Variants in TRIM2 observed in about 807,000 individuals in gnomAD.
TRIM2 encodes the protein tripartite motif containing 2.
In TRIM2, 20 loss-of-function variants were observed where a neutral mutation model predicts 75.2. That is an observed-to-expected ratio of 0.27 (90% CI 0.19 to 0.39). The LOEUF is 0.39. TRIM2 is among the 10% of genes least tolerant of loss of function. The pLI, the probability that TRIM2 is intolerant of heterozygous loss-of-function variation, is 1.00. For missense variants in TRIM2, 660 were observed against 990.8 expected, an observed-to-expected ratio of 0.67 and a Z score of 4.48; for synonymous variants, 373 against 388.3, an observed-to-expected ratio of 0.96 and a Z score of 0.46.
At chr4:153,304,128 T>C (rs1764502344) in intron 6 of TRIM2, among the ~76,000 whole-genome samples, 1 of 152,146 alleles carries the variant, frequency 6.6e-6, no homozygotes, top group Non-Finnish European at 1.5e-5. Flanking sequence ...TTCTTTCTTT[T>C]TTTGAGACAG....
chr4:153,264,286 T>A (rs1348364696), intron 1 of TRIM2, among the ~76,000 whole-genome samples: 1 of 152,182 alleles, frequency 6.6e-6, no homozygotes, highest in East Asian at 1.9e-4. Flanking sequence ...TTAAAGTGGT[T>A]CTTTCTGCGT....
In TRIM2 at chr4:153,252,080, G is replaced by A. The variant is rs10012523; in HGVS notation, c.31-18255G>A. On this transcript the variant is annotated intron_variant, in intron 1 of 11. Transcript: ENST00000338700. The stretch of plus-strand genomic sequence containing the variant: ...AACTTATTCCTTCTATCTAACTGTA[G>A]CTTTATATCTGTTGACTAATCTCTC... 9.9e-4 allele frequency among the ~76,000 whole-genome samples: 150 copies of A among 152,264 alleles called. 1 individual carries two copies. The highest frequency in any genetic ancestry group is 3.4e-3 in the African/African-American group (143 of 41,558).
intron 1 of TRIM2, among the ~76,000 whole-genome samples, chr4:153,238,461 C>A (rs1207850992): frequency 6.6e-6 from 1 of 152,018 alleles, no homozygotes; most frequent in African/African-American, 2.4e-5. Context: ...TTGGCAATGA[C>A]CAAAAATTGA....
intron 8 of TRIM2, among the ~76,000 whole-genome samples, chr4:153,320,726 A>G (rs1813077): frequency 0.63 from 95,939 of 151,962 alleles, 31,352 homozygotes; most frequent in African/African-American, 0.81. Context: ...TTCATCTCCC[A>G]GGTTCAAGTG....
chr4:153,204,597 T>C (rs1442829744), intron 1 of TRIM2, 37 bp downstream of exon 1: 4 of 1,551,628 alleles, frequency 2.6e-6, no homozygotes, highest in Admixed American at 2.0e-5. Context: ...ATTCTTTTTC[T>C]GGGCCAGCTG....
rs760575264 is a variant in TRIM2 at position 153,258,402 on chromosome 4, GA to G, written c.31-11922del. ...GCATTACACAGGGAAAAGAAAAAAA[GA>G]AAAAAAAAAACCCTTGGGTTTTGGG... On this transcript the variant is annotated intron_variant, in intron 1 of 11. Transcript: ENST00000338700. Among the ~76,000 whole-genome samples, 451 of 142,692 alleles carry G rather than the reference GA, an allele frequency of 3.2e-3. 1 individual carries two copies. The highest frequency in any genetic ancestry group is 9.7e-3 in the African/African-American group (380 of 39,074). 93.6% of individuals were successfully genotyped at this position (142,692 alleles called of 152,430 possible). A position where few individuals can be genotyped will look rare whatever the true frequency, so the allele number is the denominator to read the frequency against.
At chr4:153,235,155 A>G (rs947431420) in intron 1 of TRIM2, among the ~76,000 whole-genome samples, 1 of 152,206 alleles carries the variant, frequency 6.6e-6, no homozygotes, top group African/African-American at 2.4e-5. Flanking sequence ...CCAGTCAGAA[A>G]GATGTAGGCT....
Position 153,335,909 on chromosome 4 carries a change from C to A in TRIM2, c.*943C>A. 1 of 985,772 alleles carries A rather than the reference C, an allele frequency of 1.0e-6. No individual in the cohort carries two copies. The highest frequency in any genetic ancestry group is 1.2e-6 in the Non-Finnish European group (1 of 829,912). 61.1% of individuals were successfully genotyped at this position (985,772 alleles called of 1,614,324 possible). A position where few individuals can be genotyped will look rare whatever the true frequency, so the allele number is the denominator to read the frequency against. ...GACACCAGTATCCTAGGACAGAGAG[C>A]CATAAGTAGCCCTTTGGAGGACTGA... On this transcript the variant is annotated 3_prime_UTR_variant, in exon 12 of 12. Coordinates refer to ENST00000338700, the MANE Select transcript of TRIM2 (RefSeq NM_015271.5).
chr4:153,189,388 A>G (rs1443730436), intron 1 of TRIM2, among the ~76,000 whole-genome samples: 1 of 152,162 alleles, frequency 6.6e-6, no homozygotes, highest in Non-Finnish European at 1.5e-5. Flanking sequence ...TAGGAGAGCA[A>G]AGTCTTGGCA....
At chr4:153,249,965 T>C (rs927722680) in intron 1 of TRIM2, among the ~76,000 whole-genome samples, 1 of 152,168 alleles carries the variant, frequency 6.6e-6, no homozygotes, top group Non-Finnish European at 1.5e-5. Context: ...GGCCAAGCAA[T>C]GGGCGAAACA....
At chr4:153,304,598 G>GCAGAGAGCAACA (rs1340509211) in intron 6 of TRIM2, among the ~76,000 whole-genome samples, 1 of 152,106 alleles carries the variant, frequency 6.6e-6, no homozygotes, top group African/African-American at 2.4e-5. Context: ...TGAGATACAA[G>GCAGAGAGCAACA]CAGAGAGGAG....
intron 1 of TRIM2, among the ~76,000 whole-genome samples, chr4:153,169,087 A>C (rs900958639): frequency 1.3e-5 from 2 of 151,662 alleles, no homozygotes; most frequent in Admixed American, 1.3e-4. Context: ...CAAAAAAAAA[A>C]GTCTTTAAAA....
intron 6 of TRIM2, among the ~76,000 whole-genome samples, chr4:153,313,837 A>T (rs1381056298): frequency 6.6e-6 from 1 of 151,962 alleles, no homozygotes; most frequent in African/African-American, 2.4e-5. Context: ...GGGTTTCACC[A>T]TGTTGGCCAG....
chr4:153,221,965 AG>A (rs1359023965), intron 1 of TRIM2, among the ~76,000 whole-genome samples: 2 of 20,350 alleles, frequency 9.8e-5, no homozygotes, highest in African/African-American at 4.2e-4. Context: ...GGAAAGAGGG[AG>A]GAAGGGAGGA....
chr4:153,262,272 C>A (rs893213095), intron 1 of TRIM2, among the ~76,000 whole-genome samples: 2 of 152,142 alleles, frequency 1.3e-5, no homozygotes, highest in Non-Finnish European at 2.9e-5. Context: ...CCCAAAATTC[C>A]AAGGCTAGGG....
At chr4:153,241,512 A>G (rs1043086652) in intron 1 of TRIM2, among the ~76,000 whole-genome samples, 13 of 152,190 alleles carry the variant, frequency 8.5e-5, no homozygotes, top group African/African-American at 3.1e-4. Flanking sequence ...AAGGGGGCAG[A>G]GTGATACATA....
intron 1 of TRIM2, chr4:153,266,856 G>C (rs899216269): frequency 2.7e-5 from 4 of 147,414 alleles, no homozygotes; most frequent in Non-Finnish European, 6.0e-5. Context: ...TGTCATGTTT[G>C]TAACTATACT....
At position 153,249,302 on chromosome 4, in the gene TRIM2, G is replaced by C. The variant is rs549198550; in HGVS notation, c.31-21033G>C. Among the ~76,000 whole-genome samples, 7 of 152,374 alleles carry C rather than the reference G, an allele frequency of 4.6e-5. No individual in the cohort carries two copies. The South Asian group carries it at 1.0e-3, about 23-fold the overall frequency. ...TGAGCGCAGCTCGGCTCCCGCCTCG[G>C]GGCGGGGCCTGTTGCTATGGAGCCC... On this transcript the variant is annotated intron_variant, in intron 1 of 11. Coordinates refer to ENST00000338700, the MANE Select transcript of TRIM2 (RefSeq NM_015271.5).
chr4:153,239,815 G>A (rs947042520), intron 1 of TRIM2, among the ~76,000 whole-genome samples: 1 of 149,944 alleles, frequency 6.7e-6, no homozygotes, highest in Non-Finnish European at 1.5e-5. Context: ...ATGCATGACA[G>A]CATCCTAACT....
Sources: allele counts gnomAD v4.1 joint callset (sites outside exome capture counted in the v4.1 genomes callset), GRCh38; gene constraint gnomAD v4.1.1; transcripts MANE v1.5; gene names NCBI Gene and HGNC (gene_info 2026-07-23, HGNC 2026-07-21).